The following CPAP variants were observed in gnomAD, a reference collection of about 807,000 sequenced individuals.
The protein encoded by CPAP is centrosome assembly and centriole elongation protein, also known as centrosomal P4.1-associated protein.
chr13:24,917,094 C>T, the CPAP span, among the ~76,000 whole-genome samples: 61 of 151,980 alleles, frequency 4.0e-4, no homozygotes, highest in African/African-American at 1.5e-3. Flanking sequence ...ACTAAAAATA[C>T]AAAAAATTAG....
the CPAP span, among the ~76,000 whole-genome samples, chr13:24,920,784 C>CTTTTTT: frequency 7.1e-6 from 1 of 140,164 alleles, no homozygotes; most frequent in Non-Finnish European, 1.5e-5. Flanking sequence ...CCATACCTGG[C>CTTTTTT]TTTTTTTTTT....
the CPAP span, among the ~76,000 whole-genome samples, chr13:24,908,435 C>CAAAAAAAAAAAAA: frequency 3.7e-5 from 3 of 80,876 alleles, no homozygotes; most frequent in African/African-American, 1.2e-4. Context: ...CCCGTCTCTA[C>CAAAAAAAAAAAAA]AAAAAAAAAA....
the CPAP span, among the ~76,000 whole-genome samples, chr13:24,900,362 C>T: frequency 8.7e-4 from 132 of 152,298 alleles, 1 homozygote; most frequent in Non-Finnish European, 1.7e-3. Flanking sequence ...AGGCCAGGCA[C>T]GGTGGCTCAC....
the CPAP span, among the ~76,000 whole-genome samples, chr13:24,929,079 T>G: frequency 6.6e-6 from 1 of 152,250 alleles, no homozygotes; most frequent in Non-Finnish European, 1.5e-5. Context: ...ATTACACATT[T>G]TTTTTAGATG....
chr13:24,920,636 T>C, the CPAP span, among the ~76,000 whole-genome samples: 27,112 of 148,652 alleles, frequency 0.18, 2,153 homozygotes, highest in South Asian at 0.32. Context: ...TTTTTTTTTT[T>C]TTGAGATGGA....
chr13:24,931,112 A>G, the CPAP span, among the ~76,000 whole-genome samples: 1 of 151,620 alleles, frequency 6.6e-6, no homozygotes, highest in Non-Finnish European at 1.5e-5. Flanking sequence ...CATATTCCCT[A>G]TTTGTTTTTG....
the CPAP span, among the ~76,000 whole-genome samples, chr13:24,886,851 A>C: frequency 6.6e-6 from 1 of 152,226 alleles, no homozygotes; most frequent in Non-Finnish European, 1.5e-5. Flanking sequence ...CAGGATTCAA[A>C]CCCACTATAT....
chr13:24,889,101 G>A, the CPAP span: 3 of 566,224 alleles, frequency 5.3e-6, no homozygotes, highest in Admixed American at 9.1e-5. Context: ...AACGCAACAA[G>A]GTAAAATAAT....
the CPAP span, among the ~76,000 whole-genome samples, chr13:24,910,677 G>A: frequency 6.6e-6 from 1 of 152,234 alleles, no homozygotes; most frequent in African/African-American, 2.4e-5. Flanking sequence ...ATGACTGCAT[G>A]AGGCTAGTTC....
the CPAP span, chr13:24,884,458 T>C: frequency 2.5e-6 from 4 of 1,614,056 alleles, no homozygotes; most frequent in South Asian, 4.4e-5. Flanking sequence ...TATAAACCTT[T>C]TCCACCTAAA....
the CPAP span, chr13:24,906,100 C>A: frequency 1.2e-6 from 2 of 1,612,868 alleles, no homozygotes; most frequent in Non-Finnish European, 1.7e-6. Context: ...CACTCTCCTT[C>A]TCACGTGCAG....
At chr13:24,927,004 C>T in the CPAP span, among the ~76,000 whole-genome samples, 5 of 152,104 alleles carry the variant, frequency 3.3e-5, no homozygotes, top group Non-Finnish European at 7.4e-5. Context: ...GAATGACAAA[C>T]CAACCAGAAT....
At chr13:24,887,286 A>G in the CPAP span, among the ~76,000 whole-genome samples, 26 of 152,216 alleles carry the variant, frequency 1.7e-4, no homozygotes, top group African/African-American at 5.3e-4. Flanking sequence ...CACTTATACC[A>G]GGGGGCCCCA....
chr13:24,918,511 G>A, the CPAP span, among the ~76,000 whole-genome samples: 1 of 152,116 alleles, frequency 6.6e-6, no homozygotes, highest in Admixed American at 6.5e-5. Context: ...GTTGACTGGA[G>A]GCCTTATCAA....
chr13:24,901,632 A>G, the CPAP span, among the ~76,000 whole-genome samples: 1 of 152,258 alleles, frequency 6.6e-6, no homozygotes, highest in African/African-American at 2.4e-5. Context: ...TTCATATAAT[A>G]CAGTCATTTC....
chr13:24,920,403 G>A, the CPAP span, among the ~76,000 whole-genome samples: 2 of 152,180 alleles, frequency 1.3e-5, no homozygotes, highest in Non-Finnish European at 2.9e-5. Flanking sequence ...AAGGCTTACT[G>A]TACCATTAAT....
At chr13:24,885,573 A>ATTT in the CPAP span, 5 of 1,314,760 alleles carry the variant, frequency 3.8e-6, no homozygotes, top group Non-Finnish European at 5.5e-6. Context: ...TAAGTAATGT[A>ATTT]TGTTTGAAGA....
the CPAP span, chr13:24,892,904 C>G: frequency 2.2e-6 from 3 of 1,368,636 alleles, no homozygotes; most frequent in Non-Finnish European, 3.1e-6. Flanking sequence ...AAAACCATTA[C>G]TACATTACCA....
the CPAP span, among the ~76,000 whole-genome samples, chr13:24,894,974 C>T: frequency 2.0e-5 from 3 of 152,170 alleles, no homozygotes; most frequent in Middle Eastern, 3.4e-3. Context: ...GCCTGGCTGG[C>T]GGGTGGGATC....
Sources: allele counts gnomAD v4.1 joint callset (sites outside exome capture counted in the v4.1 genomes callset), GRCh38; gene constraint gnomAD v4.1.1; transcripts MANE v1.5; gene names NCBI Gene and HGNC (gene_info 2026-07-23, HGNC 2026-07-21).